The following SFTPD variants were observed in gnomAD, a reference collection of about 807,000 sequenced individuals.
The protein encoded by SFTPD is surfactant protein D.
Under a neutral mutation model 34.6 loss-of-function variants are expected in SFTPD, and 18 were observed. The observed-to-expected ratio is 0.52, with a 90% CI of 0.36 to 0.77. The LOEUF (loss-of-function observed/expected upper bound fraction) is 0.77, where lower values mean the gene tolerates loss of function less well. SFTPD is among the 30% of genes least tolerant of loss of function. The pLI is 0.00. For synonymous variants in SFTPD, 155 were observed against 180.9 expected, an observed-to-expected ratio of 0.86 and a Z score of 1.15; for missense variants, 433 against 468.9, an observed-to-expected ratio of 0.92 and a Z score of 0.71.
chr10:79,982,214 C>G, intron 1 of SFTPD: 1 of 575,658 alleles, frequency 1.7e-6, no homozygotes, highest in Non-Finnish European at 2.6e-6. Flanking sequence ...GGGCTCGGAT[C>G]TACCTTCCAG....
rs187382036 is a variant in SFTPD at position 79,941,853 on chromosome 10, C to T, written c.550+101G>A. On this transcript the variant is annotated intron_variant, in intron 5 of 7. Coordinates refer to ENST00000372292, the MANE Select transcript of SFTPD (RefSeq NM_003019.5). ...TTCTCTCCATGTTCCAGCGATACCACCTCTGCCTTTGTGGGTGGTGGAGGG... is the reference window on the plus strand; with the variant it reads ...TTCTCTCCATGTTCCAGCGATACCATCTCTGCCTTTGTGGGTGGTGGAGGG... 7.2e-4 allele frequency: 575 copies of T among 793,768 alleles called. 4 individuals are homozygous for T. Among genetic ancestry groups the T allele is most frequent in the South Asian group, 5.4e-3 (358 of 66,002 alleles). The allele number at this position is 793,768 out of a possible 1,614,324, so 49.2% of individuals were successfully genotyped here. A position where few individuals can be genotyped will look rare whatever the true frequency, so the allele number is the denominator to read the frequency against.
chr10:79,951,957 C>A (rs1842712718), upstream of SFTPD, among the ~76,000 whole-genome samples: 1 of 152,212 alleles, frequency 6.6e-6, no homozygotes, highest in African/African-American at 2.4e-5. Flanking sequence ...AAGGAGTATA[C>A]CAGCTCCACA....
intron 1 of SFTPD, chr10:79,971,271 T>C (rs544074776): frequency 6.6e-6 from 1 of 152,330 alleles, no homozygotes; most frequent in East Asian, 1.9e-4. Flanking sequence ...AGTATTTATT[T>C]TGAGGAATTT....
chr10:79,956,326 C>T (rs1056997704), intron 1 of SFTPD, among the ~76,000 whole-genome samples: 2 of 152,312 alleles, frequency 1.3e-5, no homozygotes, highest in South Asian at 4.1e-4. Flanking sequence ...GTGCAGCGCA[C>T]CATGCACGAG....
intron 1 of SFTPD, among the ~76,000 whole-genome samples, chr10:79,962,150 TGGGGGGA>T (rs1329682663): frequency 1.6e-5 from 1 of 62,098 alleles, no homozygotes; most frequent in South Asian, 6.6e-4. Context: ...TGTTGTGGGG[TGGGGGGA>T]GGGGGGAGGG....
intron 1 of SFTPD, among the ~76,000 whole-genome samples, chr10:79,974,356 G>A (rs1235193035): frequency 1.3e-5 from 2 of 151,634 alleles, no homozygotes; most frequent in African/African-American, 4.8e-5. Flanking sequence ...ATTTTTAGTA[G>A]AGACGGGGTT....
chr10:79,959,794 A>C (rs1564533395), intron 1 of SFTPD, among the ~76,000 whole-genome samples: 1 of 152,180 alleles, frequency 6.6e-6, no homozygotes, highest in Non-Finnish European at 1.5e-5. Flanking sequence ...AACTCATTTT[A>C]TGAGGCCAGC....
upstream of SFTPD, among the ~76,000 whole-genome samples, chr10:79,952,705 G>T (rs531410521): frequency 7.0e-6 from 1 of 143,226 alleles, no homozygotes; most frequent in Admixed American, 7.2e-5. Context: ...TAGTGATGCA[G>T]AAACACAAGG....
chr10:79,951,658 G>T (rs189115768), upstream of SFTPD, among the ~76,000 whole-genome samples: 1 of 152,270 alleles, frequency 6.6e-6, no homozygotes, highest in African/African-American at 2.4e-5. Context: ...TTATTTGGTT[G>T]TGCAATTCAA....
chr10:79,958,141 C>T (rs1210492006), intron 1 of SFTPD, among the ~76,000 whole-genome samples: 6 of 152,102 alleles, frequency 3.9e-5, no homozygotes, highest in Non-Finnish European at 7.4e-5. Context: ...AAAAGAGCTC[C>T]TGAAGGAAGC....
At chr10:79,956,553 C>T (rs545104319) in intron 1 of SFTPD, among the ~76,000 whole-genome samples, 133 of 152,272 alleles carry the variant, frequency 8.7e-4, no homozygotes, top group Non-Finnish European at 1.5e-3. Flanking sequence ...TCGCTGATTG[C>T]TAGCACAGCA....
At chr10:79,959,805 A>G (rs907894115) in intron 1 of SFTPD, among the ~76,000 whole-genome samples, 2 of 152,188 alleles carry the variant, frequency 1.3e-5, no homozygotes, top group African/African-American at 4.8e-5. Flanking sequence ...TGAGGCCAGC[A>G]TCATCTTGAT....
chr10:79,938,900 G>A lies in SFTPD; in HGVS notation c.752-672C>T, dbSNP rs75074551. Among the ~76,000 whole-genome samples the A allele has an allele frequency of 2.9e-3, 441 of 152,354 alleles. 10 individuals carry two copies. In the East Asian group the frequency reaches 0.073, roughly 25 times the overall value. On this transcript the variant is annotated intron_variant, in intron 7 of 7. Transcript: ENST00000372292. ...AGCCTGCCTGGGAGGTGCTGAGGGA[G>A]TGGAGGAGAGCATCTGAAGGGCATG...
chr10:79,954,566 G>A (rs541423659), intron 1 of SFTPD, among the ~76,000 whole-genome samples: 1 of 152,270 alleles, frequency 6.6e-6, no homozygotes, highest in South Asian at 2.1e-4. Flanking sequence ...TGCAGTAGGG[G>A]TCTGCAGGTG....
chr10:79,941,911 G>T (rs777209563), intron 5 of SFTPD, 43 bp downstream of exon 5: 2 of 1,310,688 alleles, frequency 1.5e-6, no homozygotes, highest in Non-Finnish European at 1.1e-6. Context: ...AGCAGGCACA[G>T]GAGAACTGGA....
intron 1 of SFTPD, among the ~76,000 whole-genome samples, chr10:79,965,621 G>A (rs1589341647): frequency 2.4e-5 from 2 of 82,068 alleles, no homozygotes; most frequent in Admixed American, 3.2e-4. Flanking sequence ...TAGGGTACAT[G>A]TGCACATTGT....
intron 1 of SFTPD, among the ~76,000 whole-genome samples, chr10:79,961,478 G>A (rs1228511134): frequency 1.3e-5 from 2 of 152,120 alleles, no homozygotes; most frequent in Non-Finnish European, 2.9e-5. Flanking sequence ...CAAAAAGTGG[G>A]TGAAGGATAT....
Position 79,941,462 on chromosome 10 carries a change from C to CG in SFTPD, c.602dup (p.Leu203IlefsTer30), listed in dbSNP as rs1842610443. 6.2e-7 allele frequency: 1 copy of CG among 1,613,022 alleles called. No individual in the cohort carries two copies. On this transcript the variant is annotated frameshift_variant, in exon 6 of 8. Coordinates refer to ENST00000372292, the MANE Select transcript of SFTPD (RefSeq NM_003019.5). LOFTEE classifies it high-confidence loss of function. ...GAATGCCTTTGTCCCCCTTCAATCC[C>CG]GGGGGTCCCCTGGCACCTGGACTTC...
At chr10:79,956,536 CGG>C (rs1842740020) in intron 1 of SFTPD, among the ~76,000 whole-genome samples, 1 of 152,264 alleles carries the variant, frequency 6.6e-6, no homozygotes, top group South Asian at 2.1e-4. Context: ...CCTACGCCCA[CGG>C]AGTCTCGCTG....
Sources: gnomAD v4.1 joint callset for allele counts (sites outside exome capture counted in the v4.1 genomes callset) on GRCh38, gnomAD v4.1.1 for gene constraint, MANE v1.5 for transcripts, NCBI Gene and HGNC (gene_info 2026-07-23, HGNC 2026-07-21) for gene names.